IL1RAPL1: variants seen among roughly 807,000 people sequenced by gnomAD.
The protein encoded by IL1RAPL1 is interleukin-1 receptor accessory protein-like 1.
A neutral mutation model predicts 48.4 loss-of-function variants in IL1RAPL1; 3 were observed. That is an observed-to-expected ratio of 0.06 (90% CI 0.03 to 0.16). The LOEUF is 0.16. Among genes scored for constraint, IL1RAPL1 ranks in the 10% least tolerant of loss-of-function variants. The pLI, the probability that IL1RAPL1 is intolerant of heterozygous loss-of-function variation, is 1.00. For synonymous variants in IL1RAPL1, 185 were observed against 187.7 expected, an observed-to-expected ratio of 0.99 and a Z score of 0.12; for missense variants, 349 against 530.6, an observed-to-expected ratio of 0.66 and a Z score of 3.36.
intron 2 of IL1RAPL1, among the ~76,000 whole-genome samples, chrX:29,269,153 G>A (rs1258071066): frequency 8.9e-6 from 1 of 112,035 alleles, no homozygotes; most frequent in Admixed American, 9.5e-5. Flanking sequence ...AAATATTAGT[G>A]ATTTACTGCA....
chrX:29,940,222 A>G (rs1933104050), intron 8 of IL1RAPL1, among the ~76,000 whole-genome samples: 1 of 110,895 alleles, frequency 9.0e-6, no homozygotes, highest in African/African-American at 3.3e-5. Flanking sequence ...ACACACACAC[A>G]TACACAATGT....
At chrX:29,747,582 A>G (rs1365998424) in intron 6 of IL1RAPL1, among the ~76,000 whole-genome samples, 1 of 112,006 alleles carries the variant, frequency 8.9e-6, no homozygotes, top group Non-Finnish European at 1.9e-5. Context: ...TTCAACACAA[A>G]TTCCATGTAA....
intron 6 of IL1RAPL1, among the ~76,000 whole-genome samples, chrX:29,907,309 T>G (rs1324268502): frequency 9.1e-6 from 1 of 109,931 alleles, no homozygotes; most frequent in African/African-American, 3.3e-5. Context: ...TCCATTCTAC[T>G]GAATTTTACT....
At chrX:29,343,399 C>A (rs1449904480) in intron 3 of IL1RAPL1, among the ~76,000 whole-genome samples, 1 of 110,926 alleles carries the variant, frequency 9.0e-6, no homozygotes, top group Non-Finnish European at 1.9e-5. Context: ...CCTAATGGTT[C>A]CCTGCTTTTT....
chrX:29,911,939 G>A (rs1204158614), intron 6 of IL1RAPL1, among the ~76,000 whole-genome samples: 1 of 112,030 alleles, frequency 8.9e-6, no homozygotes, highest in Admixed American at 9.5e-5. Context: ...GAGATGTGCA[G>A]TAGTACACTA....
At chrX:29,695,267 G>A (rs1439235763) in intron 6 of IL1RAPL1, among the ~76,000 whole-genome samples, 1 of 111,438 alleles carries the variant, frequency 9.0e-6, no homozygotes, top group Non-Finnish European at 1.9e-5. Context: ...ACTAATTATT[G>A]GAGAAAATGA....
intron 2 of IL1RAPL1, among the ~76,000 whole-genome samples, chrX:28,854,282 A>T (rs776378492): frequency 6.3e-5 from 7 of 111,726 alleles, no homozygotes; most frequent in Non-Finnish European, 9.4e-5. Flanking sequence ...AGTAGTAGCA[A>T]TAGGGATGGG....
At chrX:29,578,471 A>G (rs1922846534) in intron 5 of IL1RAPL1, among the ~76,000 whole-genome samples, 1 of 111,815 alleles carries the variant, frequency 8.9e-6, no homozygotes, top group Non-Finnish European at 1.9e-5. Flanking sequence ...CTTTTGAACT[A>G]TTTTGTTATG....
chrX:29,305,827 A>AT (rs1480350221), intron 3 of IL1RAPL1, among the ~76,000 whole-genome samples: 1 of 112,134 alleles, frequency 8.9e-6, no homozygotes, highest in Non-Finnish European at 1.9e-5. Flanking sequence ...CAGTGAAACA[A>AT]TTTGAGCCAT....
At chrX:28,762,786 G>GCGCGCACACACACACACACACACA (rs1366464632) in intron 1 of IL1RAPL1, among the ~76,000 whole-genome samples, 4 of 62,995 alleles carry the variant, frequency 6.3e-5, no homozygotes, top group African/African-American at 2.5e-4. Flanking sequence ...GCACGCGCGC[G>GCGCGCACACACACACACACACACA]CACACACACA....
chrX:28,941,238 C>T, intron 2 of IL1RAPL1, among the ~76,000 whole-genome samples: 2 of 110,860 alleles, frequency 1.8e-5, no homozygotes, highest in Non-Finnish European at 3.8e-5. Context: ...ATATTTGTAC[C>T]AGTCATTGTG....
At chrX:29,092,879 G>T (rs186156157) in intron 2 of IL1RAPL1, among the ~76,000 whole-genome samples, 1 of 111,811 alleles carries the variant, frequency 8.9e-6, no homozygotes, top group Admixed American at 9.5e-5. Flanking sequence ...GATAGTGTTG[G>T]ACACTGAAAT....
intron 2 of IL1RAPL1, among the ~76,000 whole-genome samples, chrX:29,263,940 T>C (rs192656444): frequency 9.3e-6 from 1 of 107,358 alleles, no homozygotes; most frequent in East Asian, 3.0e-4. Flanking sequence ...AAATTTAAAA[T>C]GTTCTGATAT....
intron 5 of IL1RAPL1, among the ~76,000 whole-genome samples, chrX:29,438,771 T>C (rs1347196852): frequency 1.8e-5 from 2 of 111,251 alleles, no homozygotes; most frequent in African/African-American, 6.5e-5. Context: ...TTTAAATCAA[T>C]TGTGGTTTGT....
intron 2 of IL1RAPL1, among the ~76,000 whole-genome samples, chrX:29,163,599 A>G (rs1929729007): frequency 9.0e-6 from 1 of 111,463 alleles, no homozygotes; most frequent in Non-Finnish European, 1.9e-5. Flanking sequence ...GGTGAGAGGT[A>G]ATAAGACCTC....
intron 10 of IL1RAPL1, 26 bp downstream of exon 10, chrX:29,954,718 T>C: frequency 9.0e-7 from 1 of 1,109,861 alleles, no homozygotes; most frequent in Non-Finnish European, 1.2e-6. Flanking sequence ...CATTTGAGAG[T>C]GTGCATATTC....
At chrX:29,884,416 C>G (rs1418892390) in intron 6 of IL1RAPL1, among the ~76,000 whole-genome samples, 2 of 110,551 alleles carry the variant, frequency 1.8e-5, no homozygotes, top group Non-Finnish European at 1.9e-5. Flanking sequence ...CCATGGCTCC[C>G]AGGACACCAC....
At chrX:29,168,897 GTACAATTGTATA>G (rs1170046976) in intron 2 of IL1RAPL1, among the ~76,000 whole-genome samples, 57 of 82,021 alleles carry the variant, frequency 6.9e-4, no homozygotes, top group Admixed American at 1.2e-3. Context: ...ATATTCATAT[GTACAATTGTATA>G]TATATTCATA....
At chrX:29,950,353 C>T in intron 9 of IL1RAPL1, among the ~76,000 whole-genome samples, 1 of 111,968 alleles carries the variant, frequency 8.9e-6, no homozygotes, top group Non-Finnish European at 1.9e-5. Context: ...TTAGGACGAT[C>T]TATCATGGAG....
Sources: gnomAD v4.1 joint callset for allele counts (sites outside exome capture counted in the v4.1 genomes callset) on GRCh38, gnomAD v4.1.1 for gene constraint, MANE v1.5 for transcripts, NCBI Gene and HGNC (gene_info 2026-07-23, HGNC 2026-07-21) for gene names.